Variants in THSD7A observed in about 807,000 individuals in gnomAD.
THSD7A encodes the protein thrombospondin type-1 domain-containing protein 7A.
THSD7A carries 96 observed loss-of-function variants against 231.3 expected under a neutral mutation model. That is an observed-to-expected ratio of 0.41 (90% CI 0.35 to 0.49). The LOEUF is 0.49. Ranked by LOEUF, THSD7A falls within the 20% of genes least tolerant of loss-of-function variation. The pLI, the probability that THSD7A is intolerant of heterozygous loss-of-function variation, is 0.05. For synonymous variants in THSD7A, 940 were observed against 743.3 expected (o/e 1.26, Z -4.30); for missense variants, 2,290 against 2,070.2 (o/e 1.11, Z -2.06).
At position 11,444,608 on chromosome 7, in the gene THSD7A, G is replaced by C. The variant is rs888935271; in HGVS notation, c.3064+1453C>G. Reference sequence around the variant, plus strand: ...CACACACCGGGGTCTGTCAGGGGATGGGGGGCAGTGGAGGGATAGCATCAG... The same window carrying C: ...CACACACCGGGGTCTGTCAGGGGATCGGGGGCAGTGGAGGGATAGCATCAG... On this transcript the variant is annotated intron_variant, in intron 13 of 27. Transcript: ENST00000423059. The surrounding 1 kb of genome is among the most constrained non-coding windows in gnomAD (Gnocchi z 4.2). Among the ~76,000 whole-genome samples the C allele has an allele frequency of 6.6e-6, 1 of 151,872 alleles. No homozygotes were observed.
intron 6 of THSD7A, among the ~76,000 whole-genome samples, chr7:11,507,657 T>A (rs6955846): frequency 6.6e-6 from 1 of 150,744 alleles, no homozygotes; most frequent in Admixed American, 6.6e-5. Context: ...TAGATAATAC[T>A]GCTAATAATA....
At chr7:11,673,395 A>G (rs1322292345) in intron 1 of THSD7A, among the ~76,000 whole-genome samples, 1 of 152,116 alleles carries the variant, frequency 6.6e-6, no homozygotes, top group Non-Finnish European at 1.5e-5. Flanking sequence ...ATAGCAAAAC[A>G]CAACCCATAG....
rs1177955551 is a variant in THSD7A, at chr7:11,637,640, A to G, written c.191-679T>C. 5.3e-5 allele frequency among the ~76,000 whole-genome samples: 8 copies of G among 152,204 alleles called. No individual in the cohort carries two copies. Among genetic ancestry groups the G allele is most frequent in the Non-Finnish European group, 1.0e-4 (7 of 68,038 alleles). On this transcript the variant is annotated intron_variant, in intron 1 of 27. Coordinates refer to ENST00000423059, the MANE Select transcript of THSD7A (RefSeq NM_015204.3). The surrounding 1 kb of genome is among the most constrained non-coding windows in gnomAD (Gnocchi z 4.2). ...AGCTGGGTAAGGGAATTTAAATGTA[A>G]CTAAAAGACTTTTGCAATTTTCTAA...
intron 4 of THSD7A, among the ~76,000 whole-genome samples, chr7:11,564,312 T>C (rs2128331139): frequency 6.6e-6 from 1 of 152,354 alleles, no homozygotes; most frequent in African/African-American, 2.4e-5. Flanking sequence ...AACAGTGTTG[T>C]AACAGATAGG....
rs754562653 is a variant in THSD7A, at chr7:11,636,870, T to C, written c.282A>G (p.Thr94=). 76 of 1,613,812 alleles carry C rather than the reference T, an allele frequency of 4.7e-5. No individual in the cohort carries two copies. Among genetic ancestry groups the C allele is most frequent in the Non-Finnish European group, 6.3e-5 (74 of 1,179,890 alleles). The change falls in exon 2 of 28, where the codon ACA becomes ACG. Residue 94 remains threonine (T), a synonymous_variant. Coordinates refer to ENST00000423059, the MANE Select transcript of THSD7A (RefSeq NM_015204.3). The surrounding 1 kb of genome is among the most constrained non-coding windows in gnomAD (Gnocchi z 10.0). ...CGGCCTGCTTACAGTTAGTATGCAG[T>C]GTAGTCCATCCCTCCACATGAGCAC... ...VWCAHVEGWT[T]LHTNCKQAER...
At chr7:11,501,254 C>T (rs1216581982) in intron 6 of THSD7A, among the ~76,000 whole-genome samples, 1 of 152,124 alleles carries the variant, frequency 6.6e-6, no homozygotes, top group Non-Finnish European at 1.5e-5. Flanking sequence ...TATTCAGGAC[C>T]TAAACTCAGC....
chr7:11,554,940 T>G (rs1472269699), intron 4 of THSD7A, among the ~76,000 whole-genome samples: 1 of 151,968 alleles, frequency 6.6e-6, no homozygotes, highest in African/African-American at 2.4e-5. Flanking sequence ...CTGTAAAGTG[T>G]GTAGTGACAT....
At chr7:11,683,117 T>C (rs1430858520) in intron 1 of THSD7A, among the ~76,000 whole-genome samples, 1 of 130,504 alleles carries the variant, frequency 7.7e-6, no homozygotes, top group African/African-American at 3.2e-5. Flanking sequence ...TGAGACTCCA[T>C]CTCAAAAAAA....
At chr7:11,398,765 AC>A (rs1562578123) in intron 23 of THSD7A, among the ~76,000 whole-genome samples, 1 of 152,140 alleles carries the variant, frequency 6.6e-6, no homozygotes. Context: ...CCATCTACAC[AC>A]CAGAGAGGTT....
intron 16 of THSD7A, among the ~76,000 whole-genome samples, chr7:11,421,053 T>A (rs1336711492): frequency 6.6e-6 from 1 of 152,140 alleles, no homozygotes; most frequent in Non-Finnish European, 1.5e-5. Flanking sequence ...TTGTCTCAAA[T>A]GAGATTTTGG....
chr7:11,726,011 C>T (rs539758080), intron 1 of THSD7A, among the ~76,000 whole-genome samples: 96 of 152,012 alleles, frequency 6.3e-4, no homozygotes, highest in East Asian at 5.8e-4. Context: ...TTGAATTGTT[C>T]TTTCATTGTG....
chr7:11,455,065 C>T (rs1445861594), intron 11 of THSD7A, among the ~76,000 whole-genome samples: 2 of 151,934 alleles, frequency 1.3e-5, no homozygotes, highest in African/African-American at 4.8e-5. Context: ...ATGCCCTTCT[C>T]AGATGAGACC....
rs1457310160 is a variant in THSD7A, at chr7:11,814,548, C to T, written c.190+17209G>A. On this transcript the variant is annotated intron_variant, in intron 1 of 27. Transcript: ENST00000423059. The surrounding 1 kb of genome is among the most constrained non-coding windows in gnomAD (Gnocchi z 5.1). ...GGAAATCATGACTTTCATGATTCTG[C>T]AGTGCTTGATCAACCAAGGTTGAAG... Among the ~76,000 whole-genome samples, 1 of 152,138 alleles carries T rather than the reference C, an allele frequency of 6.6e-6. No individual in the cohort carries two copies. The highest frequency in any genetic ancestry group is 1.5e-5 in the Non-Finnish European group (1 of 68,030).
rs543492130 is a variant in THSD7A, at chr7:11,496,061, A to T, written c.1823-14079T>A. ...AAGTATGCAGAAATGCTATGCTTAT[A>T]TGTGACTATAATGTTCCTGAATTCT... On this transcript the variant is annotated intron_variant, in intron 6 of 27. Coordinates refer to ENST00000423059, the MANE Select transcript of THSD7A (RefSeq NM_015204.3). Among the ~76,000 whole-genome samples, 4 of 152,332 alleles carry T rather than the reference A, an allele frequency of 2.6e-5. No homozygotes were observed. In the East Asian group the frequency reaches 5.8e-4, roughly 22 times the overall value.
In THSD7A at chr7:11,464,820, T is replaced by C. The variant is rs562990087; in HGVS notation, c.2369-2677A>G. Among the ~76,000 whole-genome samples the C allele has an allele frequency of 3.3e-5, 5 of 152,308 alleles. No homozygotes were observed. The East Asian group carries it at 7.7e-4, about 24-fold the overall frequency. ...TTACACAGGAAGTGTCAATGACATC[T>C]ATGTTTTTACCCATTGGCAGGTCTG... On this transcript the variant is annotated intron_variant, in intron 9 of 27. Coordinates refer to ENST00000423059, the MANE Select transcript of THSD7A (RefSeq NM_015204.3).
At chr7:11,586,179 A>G (rs755625158) in intron 4 of THSD7A, among the ~76,000 whole-genome samples, 87 of 152,226 alleles carry the variant, frequency 5.7e-4, no homozygotes, top group Non-Finnish European at 9.3e-4. Flanking sequence ...AAGTGTTCAT[A>G]GCCAAACTTT....
At chr7:11,510,093 A>G (rs1235025141) in intron 6 of THSD7A, among the ~76,000 whole-genome samples, 2 of 152,174 alleles carry the variant, frequency 1.3e-5, no homozygotes, top group Non-Finnish European at 2.9e-5. Context: ...ATACTTGCAC[A>G]TGCATGTTTA....
chr7:11,381,178 C>G (rs1295485098), intron 24 of THSD7A, among the ~76,000 whole-genome samples: 1 of 152,152 alleles, frequency 6.6e-6, no homozygotes. Context: ...TCTCAGGACT[C>G]TTCTCACTCC....
chr7:11,716,627 T>C (rs1193833128), intron 1 of THSD7A, among the ~76,000 whole-genome samples: 1 of 148,976 alleles, frequency 6.7e-6, no homozygotes, highest in Non-Finnish European at 1.5e-5. Flanking sequence ...GACTATACAG[T>C]AGGGGTTTTT....
Sources: gnomAD v4.1 joint callset for allele counts (sites outside exome capture counted in the v4.1 genomes callset) on GRCh38, gnomAD v4.1.1 for gene constraint, Gnocchi (gnomAD v3.1) non-coding constraint, MANE v1.5 for transcripts, NCBI Gene and HGNC (gene_info 2026-07-23, HGNC 2026-07-21) for gene names.